Variants in ADAMTSL3 observed in about 807,000 individuals in gnomAD.
ADAMTSL3 encodes ADAMTS like 3.
In ADAMTSL3, 128 loss-of-function variants were observed where a neutral mutation model predicts 201.7. The observed-to-expected ratio is 0.63, with a 90% CI of 0.55 to 0.73. The LOEUF is 0.73. ADAMTSL3 is among the 30% of genes least tolerant of loss of function. ADAMTSL3 has a pLI of 0.00. For missense variants in ADAMTSL3, 1,990 were observed against 2,119.6 expected (o/e 0.94, Z 1.20); for synonymous variants, 738 against 748.4 (o/e 0.99, Z 0.23).
intron 23 of ADAMTSL3, among the ~76,000 whole-genome samples, chr15:84,005,844 T>C (rs1236912034): frequency 6.6e-6 from 1 of 152,166 alleles, no homozygotes; most frequent in Non-Finnish European, 1.5e-5. Flanking sequence ...GGGGAACAGA[T>C]TATGTCAATC....
chr15:83,684,817 A>G (rs373585255), intron 2 of ADAMTSL3, among the ~76,000 whole-genome samples: 2 of 152,144 alleles, frequency 1.3e-5, no homozygotes, highest in East Asian at 1.9e-4. Context: ...AAACAATTCT[A>G]TATATCTTCT....
chr15:83,866,540 A>G lies in ADAMTSL3; in HGVS notation c.803-4262A>G, dbSNP rs571791628. Among the ~76,000 whole-genome samples the G allele has an allele frequency of 1.8e-4, 28 of 151,724 alleles. No homozygotes were observed. In the East Asian group the frequency reaches 5.5e-3, roughly 30 times the overall value. ...AAACAAACACTGTGTGTTCTCACTC[A>G]TAGGTGGGAATTGAACAATGAGAAC... On this transcript the variant is annotated intron_variant, in intron 8 of 29. Transcript: ENST00000286744.
intron 6 of ADAMTSL3, among the ~76,000 whole-genome samples, chr15:83,822,867 G>C (rs935740030): frequency 2.0e-5 from 3 of 151,764 alleles, no homozygotes; most frequent in African/African-American, 4.8e-5. Flanking sequence ...AGGTTGTAGC[G>C]AGCCGAGATC....
intron 16 of ADAMTSL3, among the ~76,000 whole-genome samples, chr15:83,917,268 G>C (rs1278142126): frequency 6.6e-6 from 1 of 152,134 alleles, no homozygotes; most frequent in Non-Finnish European, 1.5e-5. Flanking sequence ...ACATCATACA[G>C]GAAATAAGAA....
At position 83,870,236 on chromosome 15, in the gene ADAMTSL3, C is replaced by T. The variant is rs139389061; in HGVS notation, c.803-566C>T. Among the ~76,000 whole-genome samples, 253 of 152,214 alleles carry T rather than the reference C, an allele frequency of 1.7e-3. 3 individuals carry two copies. Among genetic ancestry groups the T allele is most frequent in the African/African-American group, 5.8e-3 (240 of 41,524 alleles). ...ATAAAATGGCATTGAACTATATGCA[C>T]ATATTGTACCAGTGTCAATTTCCTG... On this transcript the variant is annotated intron_variant, in intron 8 of 29. Coordinates refer to ENST00000286744, the MANE Select transcript of ADAMTSL3 (RefSeq NM_207517.3).
intron 5 of ADAMTSL3, among the ~76,000 whole-genome samples, chr15:83,809,537 T>C (rs767255592): frequency 2.6e-5 from 4 of 152,216 alleles, no homozygotes; most frequent in African/African-American, 9.6e-5. Flanking sequence ...CTCTGCTGTA[T>C]TGCCCATTGC....
chr15:83,982,315 C>T lies in ADAMTSL3; in HGVS notation c.2687C>T (p.Pro896Leu), dbSNP rs768650484. Residue 896 changes from proline to leucine, a missense_variant, in exon 21 of 30, where the codon CCG becomes CTG. Transcript: ENST00000286744. ...AAGACAAAACTTGGTGAGCAGGGTC[C>T]GCAGATCCTCAGTGTCCAGAGAGTC... is the stretch of plus-strand genomic sequence containing the variant. The part of the protein sequence containing the change: ...EMKTKLGEQG[P>L]QILSVQRVYI... 15 of 1,612,554 alleles carry T rather than the reference C, an allele frequency of 9.3e-6. No individual in the cohort carries two copies. The highest frequency in any genetic ancestry group is 1.1e-5 in the South Asian group (1 of 90,972).
intron 26 of ADAMTSL3, among the ~76,000 whole-genome samples, chr15:84,022,714 G>A (rs1323861818): frequency 1.3e-5 from 2 of 152,174 alleles, no homozygotes; most frequent in Non-Finnish European, 1.5e-5. Context: ...GACTGACTGA[G>A]TAAATGAGTG....
chr15:83,674,051 TG>T (rs1232532702), intron 2 of ADAMTSL3, among the ~76,000 whole-genome samples: 7 of 137,408 alleles, frequency 5.1e-5, no homozygotes, highest in East Asian at 2.2e-4. Flanking sequence ...TTTATTTTTA[TG>T]TTTTTTTTTT....
chr15:84,039,512 TAAAA>T lies in ADAMTSL3; in HGVS notation c.*1707_*1710del, dbSNP rs2068569061. The T allele has an allele frequency of 6.6e-6, 1 of 152,614 alleles. No individual in the cohort carries two copies. The highest frequency in any genetic ancestry group is 2.4e-5 in the African/African-American group (1 of 41,426). 9.5% of individuals were successfully genotyped at this position (152,614 alleles called of 1,614,324 possible). ...ATCTGATTGTTGAAGGTTATTAAATTAAAAGAAAGATCATTTGTAACATACTCTT... is the reference window on the plus strand; with the variant it reads ...ATCTGATTGTTGAAGGTTATTAAATTGAAAGATCATTTGTAACATACTCTT... On this transcript the variant is annotated 3_prime_UTR_variant, in exon 30 of 30. Transcript: ENST00000286744.
chr15:83,903,954 A>AGG (rs1258829960), intron 15 of ADAMTSL3, among the ~76,000 whole-genome samples: 1,536 of 57,562 alleles, frequency 0.027, 284 homozygotes, highest in East Asian at 0.2. Context: ...AGAAAAAAGA[A>AGG]AGAAAGAAAG....
intron 5 of ADAMTSL3, among the ~76,000 whole-genome samples, chr15:83,806,116 C>T (rs2063599086): frequency 4.8e-5 from 1 of 20,812 alleles, no homozygotes; most frequent in Admixed American, 5.2e-4. Context: ...CTCTAGGGGA[C>T]AGTAACCACT....
chr15:83,885,514 C>T (rs956823740), intron 10 of ADAMTSL3, among the ~76,000 whole-genome samples: 2 of 151,550 alleles, frequency 1.3e-5, no homozygotes, highest in Non-Finnish European at 2.9e-5. Context: ...TCTTGATTGC[C>T]CTTAAAGTAC....
chr15:83,724,669 C>T (rs770077938), intron 3 of ADAMTSL3, among the ~76,000 whole-genome samples: 2 of 151,632 alleles, frequency 1.3e-5, no homozygotes, highest in Non-Finnish European at 2.9e-5. Context: ...ATTTTTGTAC[C>T]CATTAGCCAT....
chr15:83,835,041 T>C (rs1250267313), intron 6 of ADAMTSL3, among the ~76,000 whole-genome samples: 1 of 152,080 alleles, frequency 6.6e-6, no homozygotes, highest in Non-Finnish European at 1.5e-5. Context: ...GAGACCATCC[T>C]GGCTAACACA....
chr15:83,859,345 G>T (rs1199245006), intron 8 of ADAMTSL3, among the ~76,000 whole-genome samples: 1 of 152,190 alleles, frequency 6.6e-6, no homozygotes, highest in Non-Finnish European at 1.5e-5. Context: ...TGGCCCTTGG[G>T]CGTGATCTCC....
At chr15:83,938,522 A>G (rs1002573063) in intron 17 of ADAMTSL3, among the ~76,000 whole-genome samples, 1 of 152,166 alleles carries the variant, frequency 6.6e-6, no homozygotes, top group Non-Finnish European at 1.5e-5. Context: ...CATCTCAATA[A>G]AGCTGTCATT....
At chr15:83,657,625 C>T (rs2061106696) in intron 2 of ADAMTSL3, among the ~76,000 whole-genome samples, 1 of 152,236 alleles carries the variant, frequency 6.6e-6, no homozygotes, top group Non-Finnish European at 1.5e-5. Context: ...CAAACAATGT[C>T]TGGCACATAG....
At chr15:83,828,560 T>G (rs1324511702) in intron 6 of ADAMTSL3, among the ~76,000 whole-genome samples, 1 of 152,172 alleles carries the variant, frequency 6.6e-6, no homozygotes, top group Non-Finnish European at 1.5e-5. Flanking sequence ...CTTCCAACAC[T>G]ATGTTGAATA....
Sources: gnomAD v4.1 joint callset for allele counts (sites outside exome capture counted in the v4.1 genomes callset) on GRCh38, gnomAD v4.1.1 for gene constraint, MANE v1.5 for transcripts, NCBI Gene and HGNC (gene_info 2026-07-23, HGNC 2026-07-21) for gene names.